The following USP24 variants were observed in gnomAD, a reference collection of about 807,000 sequenced individuals.
USP24 encodes the protein ubiquitin carboxyl-terminal hydrolase 24.
In USP24, 97 loss-of-function variants were observed where a neutral mutation model predicts 361.6. That is an observed-to-expected ratio of 0.27 (90% CI 0.23 to 0.32). The LOEUF (loss-of-function observed/expected upper bound fraction) is 0.32, where lower values mean the gene tolerates loss of function less well. Among genes scored for constraint, USP24 ranks in the 10% least tolerant of loss-of-function variants. USP24 has a pLI of 1.00. For synonymous variants in USP24, 1,098 were observed against 1,124.6 expected (o/e 0.98, Z 0.47); for missense variants, 2,353 against 3,165.6 (o/e 0.74, Z 6.16).
intron 1 of USP24, among the ~76,000 whole-genome samples, chr1:55,198,605 A>T (rs867196864): frequency 6.6e-6 from 1 of 152,336 alleles, no homozygotes; most frequent in African/African-American, 2.4e-5. Context: ...ACACTAAAAC[A>T]TCTCCATACA....
intron 1 of USP24, among the ~76,000 whole-genome samples, chr1:55,206,614 A>G (rs995128509): frequency 2.7e-5 from 4 of 149,390 alleles, no homozygotes; most frequent in Non-Finnish European, 5.9e-5. Context: ...CTTATATTTT[A>G]GAGAAATCAT....
intron 1 of USP24, among the ~76,000 whole-genome samples, chr1:55,213,431 G>A (rs1366133280): frequency 1.3e-5 from 2 of 152,202 alleles, no homozygotes; most frequent in Non-Finnish European, 2.9e-5. Context: ...CCACCTTCTT[G>A]TTCAAGCTAC....
At chr1:55,178,520 T>A (rs2100826638) in intron 1 of USP24, among the ~76,000 whole-genome samples, 1 of 151,626 alleles carries the variant, frequency 6.6e-6, no homozygotes, top group South Asian at 2.1e-4. Context: ...TACAAAAAAA[T>A]TAGCCAGGTG....
At chr1:55,093,759 A>G in intron 52 of USP24, 178 bp downstream of exon 52, 1 of 787,802 alleles carries the variant, frequency 1.3e-6, no homozygotes, top group Non-Finnish European at 1.9e-6. Context: ...TTAGCACTCC[A>G]TGGCTCTAGC....
intron 28 of USP24, among the ~76,000 whole-genome samples, chr1:55,136,859 G>A (rs538331787): frequency 1.5e-4 from 23 of 152,278 alleles, no homozygotes; most frequent in Admixed American, 4.6e-4. Flanking sequence ...GAGATGTTAA[G>A]TGGATGGATC....
At chr1:55,160,190 G>A (rs1256510647) in intron 8 of USP24, among the ~76,000 whole-genome samples, 1 of 152,182 alleles carries the variant, frequency 6.6e-6, no homozygotes, top group Non-Finnish European at 1.5e-5. Context: ...TAAAGTATTA[G>A]CTATTAATAC....
intron 16 of USP24, among the ~76,000 whole-genome samples, chr1:55,151,578 G>A (rs138118395): frequency 3.3e-3 from 497 of 152,132 alleles, no homozygotes; most frequent in African/African-American, 0.011. Context: ...AACTAACTGA[G>A]GAAAAATGAG....
chr1:55,110,206 G>T lies in USP24; in HGVS notation c.4549C>A (p.Gln1517Lys), dbSNP rs1645909805. The T allele has an allele frequency of 1.3e-6, 2 of 1,552,230 alleles. No individual in the cohort carries two copies. The highest frequency in any genetic ancestry group is 1.7e-4 in the Middle Eastern group (1 of 5,996). The change falls in exon 39 of 68, where the codon CAG becomes AAG. Residue 1517 changes from glutamine to lysine, a missense_variant. By Grantham distance (53) the Gln-to-Lys change is moderately conservative. Around this residue, in one of 8 missense-constraint regions of USP24, gnomAD observed 949 missense variants for 1,280.5 expected, o/e 0.74. Coordinates refer to ENST00000294383, the MANE Select transcript of USP24 (RefSeq NM_015306.3). ...QCMEYFDLRC[Q>K]LLDDLTTSEM... Reference sequence around the variant, plus strand: ...TTACTTGTCAGATCATCTAATAACTGGCATCTCAAATCAAAATACTCCATA... The same window carrying T: ...TTACTTGTCAGATCATCTAATAACTTGCATCTCAAATCAAAATACTCCATA...
intron 67 of USP24, chr1:55,071,419 A>C (rs1390510965): frequency 9.9e-7 from 1 of 1,007,134 alleles, no homozygotes; most frequent in African/African-American, 1.7e-5. Context: ...CTTCAAGAGC[A>C]CGGGAGCTTT....
intron 39 of USP24, among the ~76,000 whole-genome samples, chr1:55,107,688 A>G (rs1645814917): frequency 6.6e-6 from 1 of 151,646 alleles, no homozygotes; most frequent in Non-Finnish European, 1.5e-5. Flanking sequence ...CTAAAAATAC[A>G]AAAATTACAC....
At chr1:55,093,564 T>C (rs969719207) in intron 52 of USP24, 1 of 174,838 alleles carries the variant, frequency 5.7e-6, no homozygotes, top group African/African-American at 2.4e-5. Context: ...ATTGTTTTAT[T>C]AGTCCCACTC....
rs375851730 is a variant in USP24 at position 55,159,054 on chromosome 1, C to CA, written c.1069-19dup. The CA allele has an allele frequency of 2.2e-5, 32 of 1,431,900 alleles. No individual in the cohort carries two copies. The highest frequency in any genetic ancestry group is 1.7e-4 in the South Asian group (11 of 65,352). 88.7% of individuals were successfully genotyped at this position (1,431,900 alleles called of 1,614,324 possible). On this transcript the variant is annotated intron_variant, in intron 9 of 67. Coordinates refer to ENST00000294383, the MANE Select transcript of USP24 (RefSeq NM_015306.3). ...ACCAATCTCTTTTATTGAATAAAAA[C>CA]AAAAAAACAAAAAAGGAACTGTAAA...
In USP24 at chr1:55,116,436, A is replaced by C. The variant is rs6665711; in HGVS notation, c.4508+4160T>G. ...AACAAACCTTTAGGTAGACTAACAC[A>C]AAAAAGGGAGAAGGATCAAATTACT... is the stretch of plus-strand genomic sequence containing the variant. On this transcript the variant is annotated intron_variant, in intron 38 of 67. Coordinates refer to ENST00000294383, the MANE Select transcript of USP24 (RefSeq NM_015306.3). Among the ~76,000 whole-genome samples the C allele has an allele frequency of 2.0e-5, 3 of 152,134 alleles. No individual in the cohort carries two copies. In the South Asian group the frequency reaches 6.2e-4, roughly 32 times the overall value.
In USP24 at chr1:55,141,183, C is replaced by T. The variant is rs1010118800; in HGVS notation, c.2750+433G>A. On this transcript the variant is annotated intron_variant, in intron 24 of 67. Coordinates refer to ENST00000294383, the MANE Select transcript of USP24 (RefSeq NM_015306.3). Reference sequence around the variant, plus strand: ...CATCTTCTACTTCATTCTGCTTACCCTATTAATGCCCTGAGTTTGACTATT... The same window carrying T: ...CATCTTCTACTTCATTCTGCTTACCTTATTAATGCCCTGAGTTTGACTATT... 2.6e-5 allele frequency among the ~76,000 whole-genome samples: 4 copies of T among 152,008 alleles called. No individual in the cohort carries two copies. The East Asian group carries it at 7.7e-4, about 29-fold the overall frequency.
At chr1:55,079,779 G>A (rs1645107515) in intron 59 of USP24, 120 bp from the exon 60 acceptor site, 1 of 1,270,650 alleles carries the variant, frequency 7.9e-7, no homozygotes, top group African/African-American at 1.9e-5. Flanking sequence ...TACTCTCACA[G>A]AGTACTCACA....
chr1:55,161,677 GCAGAA>G (rs991554240), intron 8 of USP24, among the ~76,000 whole-genome samples: 13 of 152,178 alleles, frequency 8.5e-5, no homozygotes, highest in Admixed American at 7.9e-4. Context: ...AAACAGGATA[GCAGAA>G]TAGGCTTTTA....
rs747957593 is a variant in USP24, at chr1:55,215,066, G to T, written c.48C>A (p.Gly16=). 2.1e-6 allele frequency: 3 copies of T among 1,438,548 alleles called. No homozygotes were observed. The African/African-American group carries it at 4.4e-5, about 21-fold the overall frequency. The allele number at this position is 1,438,548 out of a possible 1,614,324, so 89.1% of individuals were successfully genotyped here. ...TGCGGATGGTGGCGGGGTCTGAGAAGCCCATGCACAGCAGCGTGGTCATGT... is the reference window on the plus strand; with the variant it reads ...TGCGGATGGTGGCGGGGTCTGAGAATCCCATGCACAGCAGCGTGGTCATGT... The part of the protein sequence containing the change: ...EQHMTTLLCM[G]FSDPATIRKA... Residue 16 remains glycine, a synonymous_variant, in exon 1 of 68, where the codon GGC becomes GGA. Coordinates refer to ENST00000294383, the MANE Select transcript of USP24 (RefSeq NM_015306.3).
chr1:55,092,920 C>A lies in USP24; in HGVS notation c.6355-4G>T, dbSNP rs754434518. On this transcript the variant is annotated splice_polypyrimidine_tract_variant and splice_region_variant and intron_variant, in intron 52 of 67. Coordinates refer to ENST00000294383, the MANE Select transcript of USP24 (RefSeq NM_015306.3). ...TGAGGTTCTCATCTCTCACCATCTACAAAAGAAGATTAATAATTATTTTTA... is the reference window on the plus strand; with the variant it reads ...TGAGGTTCTCATCTCTCACCATCTAAAAAAGAAGATTAATAATTATTTTTA... 5 of 1,514,718 alleles carry A rather than the reference C, an allele frequency of 3.3e-6. No homozygotes were observed. The highest frequency in any genetic ancestry group is 3.6e-6 in the Non-Finnish European group (4 of 1,126,754). 93.8% of individuals were successfully genotyped at this position (1,514,718 alleles called of 1,614,324 possible).
In USP24 at chr1:55,110,260, AG is replaced by A. The variant is rs1359190282; in HGVS notation, c.4509-15del. 1 of 1,518,428 alleles carries A rather than the reference AG, an allele frequency of 6.6e-7. No individual in the cohort carries two copies. The highest frequency in any genetic ancestry group is 1.7e-4 in the Middle Eastern group (1 of 5,872). The allele number at this position is 1,518,428 out of a possible 1,614,324, so 94.1% of individuals were successfully genotyped here. On this transcript the variant is annotated splice_polypyrimidine_tract_variant and intron_variant, in intron 38 of 67. Coordinates refer to ENST00000294383, the MANE Select transcript of USP24 (RefSeq NM_015306.3). ...TGAGATAACAGTCTAAAAAACAGAA[AG>A]GTTTCAGTTACTAATAAGAGGCTGA...
Sources: allele counts gnomAD v4.1 joint callset (sites outside exome capture counted in the v4.1 genomes callset), GRCh38; gene constraint gnomAD v4.1.1; regional missense constraint gnomAD v4.1.1; transcripts MANE v1.5; gene names NCBI Gene and HGNC (gene_info 2026-07-23, HGNC 2026-07-21).